WWOX: variants seen among roughly 807,000 people sequenced by gnomAD.
WWOX encodes WW domain containing oxidoreductase.
In WWOX, 69 loss-of-function variants were observed where a neutral mutation model predicts 46.2. That is an observed-to-expected ratio of 1.49 (90% CI 1.23 to 1.82). The LOEUF (loss-of-function observed/expected upper bound fraction) is 1.82, where lower values mean the gene tolerates loss of function less well. WWOX is among the 40% of genes most tolerant of loss of function. WWOX has a pLI of 0.00. For synonymous variants in WWOX, 359 were observed against 202.6 expected (o/e 1.77, Z -6.56); for missense variants, 919 against 542.6 (o/e 1.69, Z -6.89).
intron 8 of WWOX, among the ~76,000 whole-genome samples, chr16:78,926,356 G>C (rs1324287017): frequency 7.5e-6 from 1 of 133,004 alleles, no homozygotes; most frequent in Non-Finnish European, 1.6e-5. Flanking sequence ...GTGGGTGACA[G>C]TGAGACCCTA....
At chr16:78,585,932 C>T (rs558525597) in intron 8 of WWOX, among the ~76,000 whole-genome samples, 4 of 152,026 alleles carry the variant, frequency 2.6e-5, no homozygotes, top group South Asian at 4.1e-4. Context: ...CGTGGTGGCT[C>T]GTTTCTATAA....
At chr16:78,397,727 C>T (rs1267831618) in intron 6 of WWOX, among the ~76,000 whole-genome samples, 1 of 152,202 alleles carries the variant, frequency 6.6e-6, no homozygotes, top group Non-Finnish European at 1.5e-5. Context: ...ATGCTTCTTT[C>T]AGCCAATTTT....
chr16:78,646,366 T>C (rs2046843070), intron 8 of WWOX, among the ~76,000 whole-genome samples: 1 of 152,088 alleles, frequency 6.6e-6, no homozygotes, highest in Non-Finnish European at 1.5e-5. Context: ...GAAAGTAAGG[T>C]CCCTCCATCC....
intron 8 of WWOX, among the ~76,000 whole-genome samples, chr16:78,511,247 C>G (rs568723104): frequency 6.6e-6 from 1 of 152,312 alleles, no homozygotes; most frequent in East Asian, 1.9e-4. Context: ...ACATCACCTC[C>G]TAGTACAATT....
At chr16:79,196,026 C>G (rs1445326710) in intron 8 of WWOX, among the ~76,000 whole-genome samples, 1 of 152,154 alleles carries the variant, frequency 6.6e-6, no homozygotes, top group Non-Finnish European at 1.5e-5. Flanking sequence ...AGTACTGACG[C>G]TTCTCATGCA....
chr16:78,925,078 C>G (rs1315274796), intron 8 of WWOX, among the ~76,000 whole-genome samples: 12 of 152,054 alleles, frequency 7.9e-5, no homozygotes, highest in Admixed American at 7.9e-4. Flanking sequence ...GCCTGTAGTC[C>G]CAGTTACTGG....
intron 8 of WWOX, among the ~76,000 whole-genome samples, chr16:78,568,996 G>C (rs2044646660): frequency 6.6e-6 from 1 of 152,174 alleles, no homozygotes; most frequent in African/African-American, 2.4e-5. Context: ...GATTTACCCA[G>C]ATAGTGCTGT....
chr16:78,497,171 G>C (rs1303041755), intron 8 of WWOX, among the ~76,000 whole-genome samples: 1 of 152,224 alleles, frequency 6.6e-6, no homozygotes, highest in African/African-American at 2.4e-5. Flanking sequence ...GTGGTGTTTG[G>C]AAAGACTCAA....
intron 5 of WWOX, among the ~76,000 whole-genome samples, chr16:78,371,752 T>G (rs931044547): frequency 6.6e-6 from 1 of 152,228 alleles, no homozygotes; most frequent in Non-Finnish European, 1.5e-5. Context: ...TTTGCTATAC[T>G]AGCTATTCTG....
intron 8 of WWOX, among the ~76,000 whole-genome samples, chr16:78,654,848 T>G (rs1200645736): frequency 3.9e-5 from 6 of 151,954 alleles, no homozygotes; most frequent in Non-Finnish European, 7.4e-5. Context: ...GGTCGTAAGG[T>G]CCCGTCAATG....
At chr16:78,628,994 A>G (rs554465625) in intron 8 of WWOX, among the ~76,000 whole-genome samples, 5 of 152,298 alleles carry the variant, frequency 3.3e-5, no homozygotes, top group African/African-American at 7.2e-5. Flanking sequence ...GGTCTTTTAT[A>G]TAAGTATTCC....
intron 8 of WWOX, among the ~76,000 whole-genome samples, chr16:78,957,165 C>T (rs1330029383): frequency 6.6e-6 from 1 of 152,202 alleles, no homozygotes; most frequent in Non-Finnish European, 1.5e-5. Flanking sequence ...TCTGAGGTAT[C>T]TGCCCTTAAA....
intron 8 of WWOX, among the ~76,000 whole-genome samples, chr16:78,773,562 G>A (rs755173918): frequency 3.3e-5 from 5 of 152,138 alleles, no homozygotes; most frequent in Non-Finnish European, 7.4e-5. Context: ...TAGACTAGTG[G>A]GGCTCTCACT....
intron 8 of WWOX, among the ~76,000 whole-genome samples, chr16:79,098,660 G>A (rs1477170421): frequency 6.6e-6 from 1 of 152,192 alleles, no homozygotes; most frequent in Admixed American, 6.5e-5. Context: ...CCTAAAATGT[G>A]CAGGGTGTAG....
At chr16:78,321,413 TATGTGTGTATATATATATATAA>T (rs2080478874) in intron 5 of WWOX, among the ~76,000 whole-genome samples, 3 of 137,718 alleles carry the variant, frequency 2.2e-5, no homozygotes, top group Non-Finnish European at 4.6e-5. Flanking sequence ...CGTATATATA[TATGTGTGTATATATATATATAA>T]AAATATATTT....
chr16:78,294,629 G>T (rs184445650), intron 5 of WWOX, among the ~76,000 whole-genome samples: 3 of 145,794 alleles, frequency 2.1e-5, no homozygotes, highest in Non-Finnish European at 3.0e-5. Context: ...TCTGTAAAAG[G>T]ATAGTCTAAA....
chr16:78,862,788 A>T (rs2043919372), intron 8 of WWOX, among the ~76,000 whole-genome samples: 1 of 152,074 alleles, frequency 6.6e-6, no homozygotes, highest in Admixed American at 6.6e-5. Flanking sequence ...GTATGAAGCC[A>T]CCCACACTGG....
chr16:78,734,623 C>T (rs994468211), intron 8 of WWOX, among the ~76,000 whole-genome samples: 3 of 151,968 alleles, frequency 2.0e-5, no homozygotes, highest in Admixed American at 1.3e-4. Flanking sequence ...AGGTCCCAGT[C>T]ACAGGGTGCC....
chr16:78,144,808 A>C (rs1010516913), intron 4 of WWOX, among the ~76,000 whole-genome samples: 1 of 152,016 alleles, frequency 6.6e-6, no homozygotes, highest in South Asian at 2.1e-4. Context: ...GGCGTGAGCC[A>C]CCGTGCCTGG....
Sources: gnomAD v4.1 joint callset for allele counts (sites outside exome capture counted in the v4.1 genomes callset) on GRCh38, gnomAD v4.1.1 for gene constraint, MANE v1.5 for transcripts, NCBI Gene and HGNC (gene_info 2026-07-23, HGNC 2026-07-21) for gene names.